The following PDE3A variants were observed in gnomAD, a reference collection of about 807,000 sequenced individuals.
The protein encoded by PDE3A is phosphodiesterase 3A, also known as cGMP-inhibited 3',5'-cyclic phosphodiesterase 3A.
In PDE3A, 43 loss-of-function variants were observed where a neutral mutation model predicts 98.3. That is an observed-to-expected ratio of 0.44 (90% CI 0.34 to 0.56). The LOEUF is 0.56. Ranked by LOEUF, PDE3A falls within the 20% of genes least tolerant of loss-of-function variation. The probability of loss-of-function intolerance (pLI) is 0.01; values close to 1 mark genes in which losing one functional copy is unlikely to be tolerated. For synonymous variants in PDE3A, 663 were observed against 567.9 expected (o/e 1.17, Z -2.38); for missense variants, 1,427 against 1,440.7 (o/e 0.99, Z 0.15).
rs767603196 is a variant in PDE3A at position 20,646,612 on chromosome 12, G to A, written c.2365+9G>A. The stretch of plus-strand genomic sequence containing the variant: ...TTCAACCAGTGATTCAGGTATGTAC[G>A]AAGTGAATCTGCACTGCCTTATGAA... On this transcript the variant is annotated intron_variant, in intron 11 of 15. Transcript: ENST00000359062. 3.4e-6 allele frequency: 5 copies of A among 1,491,036 alleles called. No homozygotes were observed. The highest frequency in any genetic ancestry group is 1.7e-5 in the Admixed American group (1 of 59,834). 92.4% of individuals were successfully genotyped at this position (1,491,036 alleles called of 1,614,324 possible). A position where few individuals can be genotyped will look rare whatever the true frequency, so the allele number is the denominator to read the frequency against.
intron 1 of PDE3A, among the ~76,000 whole-genome samples, chr12:20,527,421 T>A (rs1303331826): frequency 6.6e-6 from 1 of 152,164 alleles, no homozygotes; most frequent in Non-Finnish European, 1.5e-5. Flanking sequence ...TCTTCTCTAA[T>A]AATAATAGCA....
At chr12:20,588,962 G>T (rs540996341) in intron 2 of PDE3A, among the ~76,000 whole-genome samples, 190 of 152,174 alleles carry the variant, frequency 1.2e-3, no homozygotes, top group Non-Finnish European at 2.0e-3. Flanking sequence ...TCGCTCTGTC[G>T]CCCAGGCTGG....
intron 1 of PDE3A, among the ~76,000 whole-genome samples, chr12:20,427,676 AATTTAATAC>A (rs1944623851): frequency 1.3e-5 from 2 of 152,118 alleles, no homozygotes; most frequent in Non-Finnish European, 2.9e-5. Context: ...GGAAACAGGT[AATTTAATAC>A]ATTTAATACA....
In PDE3A at chr12:20,598,560, A is replaced by C. The variant is rs567065295; in HGVS notation, c.1012-14883A>C. Among the ~76,000 whole-genome samples the C allele has an allele frequency of 1.1e-4, 16 of 152,296 alleles. No individual in the cohort carries two copies. The South Asian group carries it at 3.3e-3, about 32-fold the overall frequency. On this transcript the variant is annotated intron_variant, in intron 2 of 15. Transcript: ENST00000359062. The stretch of plus-strand genomic sequence containing the variant: ...GGCTATTGAAATCACCCGCCCCCTC[A>C]AATGTTTACACTGTGGAAGGCAATA...
chr12:20,660,660 A>G (rs1945146163), intron 15 of PDE3A, among the ~76,000 whole-genome samples: 1 of 152,172 alleles, frequency 6.6e-6, no homozygotes, highest in Non-Finnish European at 1.5e-5. Context: ...TTTTAAAAAG[A>G]GGAGTTCCTT....
chr12:20,395,416 T>C (rs2120629464), intron 1 of PDE3A, among the ~76,000 whole-genome samples: 1 of 150,804 alleles, frequency 6.6e-6, no homozygotes, highest in African/African-American at 2.4e-5. Flanking sequence ...ATATAAATAT[T>C]TCTTTACAGT....
chr12:20,613,341 A>G lies in PDE3A; in HGVS notation c.1012-102A>G, dbSNP rs938528708. On this transcript the variant is annotated intron_variant, in intron 2 of 15. Transcript: ENST00000359062. ...ATTTTACTGTACTGAAATCCTAAAG[A>G]ATCAGCCCAATTCATTTCTTAGTGA... 11 of 1,060,738 alleles carry G rather than the reference A, an allele frequency of 1.0e-5. No individual in the cohort carries two copies. The African/African-American group carries it at 1.7e-4, about 17-fold the overall frequency. 65.7% of individuals were successfully genotyped at this position (1,060,738 alleles called of 1,614,324 possible).
rs190837904 is a variant in PDE3A, at chr12:20,617,216, C to A, written c.1424+832C>A. ...ATATCAGAAGTAATTTTCTCCTGATCGTTAGCCTGGGATATAAATAAACCA... is the reference window on the plus strand; with the variant it reads ...ATATCAGAAGTAATTTTCTCCTGATAGTTAGCCTGGGATATAAATAAACCA... On this transcript the variant is annotated intron_variant, in intron 4 of 15. Transcript: ENST00000359062. Among the ~76,000 whole-genome samples the A allele has an allele frequency of 9.2e-5, 14 of 152,194 alleles. No individual in the cohort carries two copies. The East Asian group carries it at 1.2e-3, about 13-fold the overall frequency.
At chr12:20,433,262 C>A (rs533969219) in intron 1 of PDE3A, among the ~76,000 whole-genome samples, 4 of 151,988 alleles carry the variant, frequency 2.6e-5, no homozygotes, top group Non-Finnish European at 5.9e-5. Flanking sequence ...AGTAAAACAC[C>A]CCAGGAAGGG....
chr12:20,551,596 G>A (rs539889264), intron 1 of PDE3A: 49 of 1,555,804 alleles, frequency 3.1e-5, no homozygotes, highest in Admixed American at 9.6e-5. Context: ...CCTGTGCGGG[G>A]GCCGGCAGGA....
chr12:20,406,751 C>T (rs1944240205), intron 1 of PDE3A, among the ~76,000 whole-genome samples: 2 of 152,034 alleles, frequency 1.3e-5, no homozygotes, highest in South Asian at 2.1e-4. Flanking sequence ...GTTGCCTATG[C>T]TTTCGGTGTC....
At chr12:20,436,339 A>G (rs1944778931) in intron 1 of PDE3A, among the ~76,000 whole-genome samples, 1 of 152,154 alleles carries the variant, frequency 6.6e-6, no homozygotes, top group Non-Finnish European at 1.5e-5. Flanking sequence ...AAAAAACAAA[A>G]CAAAACAAAA....
intron 1 of PDE3A, chr12:20,371,478 A>T: frequency 1.0e-6 from 1 of 979,576 alleles, no homozygotes; most frequent in Admixed American, 6.1e-5. Context: ...AAGATAAAGT[A>T]AGCTTTTTCT....
intron 8 of PDE3A, 45 bp from the exon 9 acceptor site, chr12:20,637,055 G>T: frequency 7.0e-7 from 1 of 1,434,060 alleles, no homozygotes; most frequent in South Asian, 1.5e-5. Flanking sequence ...TTGCCCTGTA[G>T]AAAAACTGCA....
At chr12:20,394,326 A>G (rs1943968705) in intron 1 of PDE3A, among the ~76,000 whole-genome samples, 1 of 152,068 alleles carries the variant, frequency 6.6e-6, no homozygotes, top group Non-Finnish European at 1.5e-5. Context: ...TGTAACTTAT[A>G]GGGAAATCAT....
chr12:20,397,922 A>T (rs1944047046), intron 1 of PDE3A, among the ~76,000 whole-genome samples: 1 of 152,188 alleles, frequency 6.6e-6, no homozygotes, highest in Admixed American at 6.5e-5. Context: ...TTATTGATTA[A>T]ATAAGGAGAG....
intron 1 of PDE3A, among the ~76,000 whole-genome samples, chr12:20,524,262 CT>C (rs1271013379): frequency 1.3e-5 from 2 of 152,224 alleles, no homozygotes; most frequent in Admixed American, 1.3e-4. Flanking sequence ...GCATTTAGCT[CT>C]TCACATCCTC....
At chr12:20,650,398 T>G in intron 13 of PDE3A, 47 bp from the exon 14 acceptor site, 1 of 1,300,088 alleles carries the variant, frequency 7.7e-7, no homozygotes, top group Non-Finnish European at 1.1e-6. Flanking sequence ...TATTCAACTT[T>G]TGTTTTTATC....
At chr12:20,558,792 A>G (rs1008806006) in intron 2 of PDE3A, among the ~76,000 whole-genome samples, 1 of 152,034 alleles carries the variant, frequency 6.6e-6, no homozygotes, top group East Asian at 1.9e-4. Context: ...CAATATGTCT[A>G]AAGCCTTCCA....
Sources: gnomAD v4.1 joint callset for allele counts (sites outside exome capture counted in the v4.1 genomes callset) on GRCh38, gnomAD v4.1.1 for gene constraint, MANE v1.5 for transcripts, NCBI Gene and HGNC (gene_info 2026-07-23, HGNC 2026-07-21) for gene names.